CNTNAP5: variants seen among roughly 807,000 people sequenced by gnomAD.
CNTNAP5 encodes the protein contactin-associated protein-like 5.
In CNTNAP5, 72 loss-of-function variants were observed where a neutral mutation model predicts 150.2. The observed-to-expected ratio is 0.48, with a 90% CI of 0.40 to 0.58. The LOEUF is 0.58. CNTNAP5 is among the 20% of genes least tolerant of loss of function. The probability of loss-of-function intolerance (pLI) is 0.00; values close to 1 mark genes in which losing one functional copy is unlikely to be tolerated. For synonymous variants in CNTNAP5, 672 were observed against 619.8 expected (o/e 1.08, Z -1.25); for missense variants, 1,636 against 1,626.2 (o/e 1.01, Z -0.10).
rs747797121 is a variant in CNTNAP5 at position 124,789,975 on chromosome 2, C to G, written c.2826C>G (p.Asp942Glu). 8.1e-6 allele frequency: 13 copies of G among 1,613,778 alleles called. No individual in the cohort carries two copies. The Admixed American group carries it at 2.0e-4, about 25-fold the overall frequency. Reference sequence around the variant, plus strand: ...TACACTTGAATGGACAGAAAATGGACCTGGAAGAGAGGGCAAAGGTCACAT... The same window carrying G: ...TACACTTGAATGGACAGAAAATGGAGCTGGAAGAGAGGGCAAAGGTCACAT... ...RSLHLNGQKMDLEERAKVTSG... is the reference protein window; with the variant it reads ...RSLHLNGQKMELEERAKVTSG... The change falls in exon 18 of 24, where the codon GAC (aspartate) becomes GAG (glutamate). Residue 942 changes from aspartate (D) to glutamate (E), a missense_variant. Coordinates refer to ENST00000682447, the MANE Select transcript of CNTNAP5 (RefSeq NM_001367498.1).
chr2:124,663,386 C>G (rs778854259), intron 13 of CNTNAP5, among the ~76,000 whole-genome samples: 1 of 151,900 alleles, frequency 6.6e-6, no homozygotes, highest in Non-Finnish European at 1.5e-5. Flanking sequence ...ATAAGTTGCC[C>G]CCCAAAAATA....
intron 1 of CNTNAP5, among the ~76,000 whole-genome samples, chr2:124,169,687 A>T (rs1381880497): frequency 6.6e-6 from 1 of 152,202 alleles, no homozygotes; most frequent in African/African-American, 2.4e-5. Flanking sequence ...TATGATGCCC[A>T]ATTATTAATT....
Position 124,711,921 on chromosome 2 carries a change from C to CT in CNTNAP5, c.2078-35307dup, listed in dbSNP as rs1679816602. Among the ~76,000 whole-genome samples, 4 of 152,126 alleles carry CT rather than the reference C, an allele frequency of 2.6e-5. No individual in the cohort carries two copies. In the South Asian group the frequency reaches 8.3e-4, roughly 32 times the overall value. On this transcript the variant is annotated intron_variant, in intron 13 of 23. Coordinates refer to ENST00000682447, the MANE Select transcript of CNTNAP5 (RefSeq NM_001367498.1). The stretch of plus-strand genomic sequence containing the variant: ...GCACCTCATCACAGATAAGTAATTT[C>CT]TATTTTTTACTATTTTCCTTAAGCC...
intron 13 of CNTNAP5, among the ~76,000 whole-genome samples, chr2:124,738,019 A>G (rs1401159401): frequency 6.6e-6 from 1 of 152,208 alleles, no homozygotes; most frequent in Non-Finnish European, 1.5e-5. Context: ...TGGCTTTAGT[A>G]GCCAGATTTA....
At chr2:124,106,356 G>A (rs1318139692) in intron 1 of CNTNAP5, among the ~76,000 whole-genome samples, 1 of 152,202 alleles carries the variant, frequency 6.6e-6, no homozygotes, top group Non-Finnish European at 1.5e-5. Context: ...TGGAGGCTGG[G>A]CACCAGCAAG....
In CNTNAP5 at chr2:124,037,101, A is replaced by G. The variant is rs56047418; in HGVS notation, c.82+11369A>G. Among the ~76,000 whole-genome samples the G allele has an allele frequency of 5.3e-3, 811 of 152,274 alleles. 3 individuals are homozygous for G. Among genetic ancestry groups the G allele is most frequent in the Non-Finnish European group, 9.4e-3 (640 of 68,010 alleles). On this transcript the variant is annotated intron_variant, in intron 1 of 23. Transcript: ENST00000682447. ...CAGTCTTGCAGAAGGCTCCTTCCCC[A>G]TATCTAGAAGTCACTATGTCAACCA...
intron 21 of CNTNAP5, among the ~76,000 whole-genome samples, chr2:124,880,598 A>G (rs1677945311): frequency 6.6e-6 from 1 of 152,148 alleles, no homozygotes; most frequent in South Asian, 2.1e-4. Flanking sequence ...TGGAATCAGT[A>G]AATTGCTCCC....
intron 11 of CNTNAP5, among the ~76,000 whole-genome samples, chr2:124,571,514 T>TTTTTTCTTTTTTC (rs1696151830): frequency 1.1e-5 from 1 of 95,104 alleles, no homozygotes; most frequent in Non-Finnish European, 2.1e-5. Context: ...CTGAGTACTT[T>TTTTTTCTTTTTTC]TTTTTCTTTT....
intron 1 of CNTNAP5, among the ~76,000 whole-genome samples, chr2:124,074,285 C>G (rs1219954670): frequency 6.6e-6 from 1 of 151,978 alleles, no homozygotes; most frequent in Non-Finnish European, 1.5e-5. Flanking sequence ...GGCAGTATAA[C>G]AGGGTGACTG....
intron 13 of CNTNAP5, among the ~76,000 whole-genome samples, chr2:124,689,890 G>T (rs1404470521): frequency 6.6e-6 from 1 of 152,002 alleles, no homozygotes; most frequent in Non-Finnish European, 1.5e-5. Flanking sequence ...ATAGGACAAT[G>T]AGTCTTTATA....
At chr2:124,088,329 G>T (rs1298792918) in intron 1 of CNTNAP5, among the ~76,000 whole-genome samples, 1 of 151,840 alleles carries the variant, frequency 6.6e-6, no homozygotes, top group Non-Finnish European at 1.5e-5. Context: ...CTTTGGTGAG[G>T]CTCTTTTCCA....
chr2:124,349,874 C>CTTTTTTTTTTTTTTTTTT lies in CNTNAP5; in HGVS notation c.382-67558_382-67541dup, dbSNP rs70996061. On this transcript the variant is annotated intron_variant, in intron 3 of 23. Transcript: ENST00000682447. ...GTTTTGAAATGACTTCTGGCTATTTCTTTTTTTTTTTTTTTTTTTTTTTTT... is the reference window on the plus strand; with the variant it reads ...GTTTTGAAATGACTTCTGGCTATTTCTTTTTTTTTTTTTTTTTTTTTTTTTTTTTTTTTTTTTTTTTTT... 8.6e-5 allele frequency among the ~76,000 whole-genome samples: 7 copies of CTTTTTTTTTTTTTTTTTT among 81,838 alleles called. 3 individuals are homozygous for CTTTTTTTTTTTTTTTTTT. Among genetic ancestry groups the CTTTTTTTTTTTTTTTTTT allele is most frequent in the African/African-American group, 3.0e-4 (6 of 19,820 alleles). The allele number at this position is 81,838 out of a possible 152,430, so 53.7% of individuals were successfully genotyped here. A position where few individuals can be genotyped will look rare whatever the true frequency, so the allele number is the denominator to read the frequency against.
chr2:124,632,121 A>C (rs748519856), intron 12 of CNTNAP5, among the ~76,000 whole-genome samples: 2 of 152,218 alleles, frequency 1.3e-5, no homozygotes, highest in Non-Finnish European at 2.9e-5. Flanking sequence ...AAATTAGTTC[A>C]ACCATTGTGC....
At chr2:124,857,089 C>A (rs1677390798) in intron 19 of CNTNAP5, among the ~76,000 whole-genome samples, 1 of 152,046 alleles carries the variant, frequency 6.6e-6, no homozygotes, top group Non-Finnish European at 1.5e-5. Flanking sequence ...TCCTTGGAGA[C>A]CAAGGCATTG....
intron 7 of CNTNAP5, among the ~76,000 whole-genome samples, chr2:124,502,991 T>C (rs1315923593): frequency 1.3e-5 from 2 of 152,208 alleles, no homozygotes; most frequent in Non-Finnish European, 2.9e-5. Context: ...TTGTGCAGAA[T>C]TCACAAGATA....
intron 1 of CNTNAP5, among the ~76,000 whole-genome samples, chr2:124,157,835 A>G (rs561435621): frequency 6.4e-4 from 98 of 152,312 alleles, no homozygotes; most frequent in Non-Finnish European, 1.1e-3. Flanking sequence ...CCTTAACACC[A>G]AAGTCTAGGA....
chr2:124,864,962 A>G (rs1369744014), intron 19 of CNTNAP5, among the ~76,000 whole-genome samples: 1 of 152,174 alleles, frequency 6.6e-6, no homozygotes, highest in Non-Finnish European at 1.5e-5. Flanking sequence ...AGGAAGTGGT[A>G]GGAATTGAAG....
intron 3 of CNTNAP5, among the ~76,000 whole-genome samples, chr2:124,342,850 G>T (rs1407380708): frequency 6.6e-6 from 1 of 152,054 alleles, no homozygotes; most frequent in Non-Finnish European, 1.5e-5. Flanking sequence ...AAAAAATCAT[G>T]GTTTTTCATG....
chr2:124,619,713 G>A lies in CNTNAP5; in HGVS notation c.1876+9793G>A, dbSNP rs536061630. Among the ~76,000 whole-genome samples the A allele has an allele frequency of 1.2e-3, 185 of 151,714 alleles. No homozygotes were observed. In the South Asian group the frequency reaches 0.013, roughly 10 times the overall value. The stretch of plus-strand genomic sequence containing the variant: ...ATGAGGAGGAATTCTGAAAGCAGAT[G>A]TCTCTGGTCTGGAACTGCAGCTACT... On this transcript the variant is annotated intron_variant, in intron 12 of 23. Transcript: ENST00000682447.
Sources: allele counts gnomAD v4.1 joint callset (sites outside exome capture counted in the v4.1 genomes callset), GRCh38; gene constraint gnomAD v4.1.1; transcripts MANE v1.5; gene names NCBI Gene and HGNC (gene_info 2026-07-23, HGNC 2026-07-21).